Variants in SERPINB8 observed in about 807,000 individuals in gnomAD.
The protein encoded by SERPINB8 is serpin B8.
A neutral mutation model predicts 35.3 loss-of-function variants in SERPINB8; 25 were observed. The observed-to-expected ratio is 0.71, with a 90% confidence interval of 0.52 to 0.99. The LOEUF is 0.99. SERPINB8 is among the 50% of genes least tolerant of loss of function. SERPINB8 has a pLI of 0.00. For synonymous variants in SERPINB8, 186 were observed against 160.8 expected (o/e 1.16, Z -1.19); for missense variants, 484 against 446.5 (o/e 1.08, Z -0.76).
chr18:63,980,158 C>T (rs950935947), intron 3 of SERPINB8, among the ~76,000 whole-genome samples: 1 of 152,126 alleles, frequency 6.6e-6, no homozygotes, highest in Non-Finnish European at 1.5e-5. Flanking sequence ...AATTCTCCTG[C>T]ACGCAGCCCT....
intron 7 of SERPINB8, among the ~76,000 whole-genome samples, chr18:64,018,089 T>C (rs1017185119): frequency 6.6e-6 from 1 of 152,210 alleles, no homozygotes; most frequent in African/African-American, 2.4e-5. Context: ...ATTGAATGAG[T>C]GAGCTTTCCT....
chr18:63,973,118 G>C (rs1364602465), intron 1 of SERPINB8, among the ~76,000 whole-genome samples: 1 of 152,204 alleles, frequency 6.6e-6, no homozygotes, highest in Non-Finnish European at 1.5e-5. Flanking sequence ...GAGTTTAAAA[G>C]TGTTCCTTTT....
downstream of SERPINB8, among the ~76,000 whole-genome samples, chr18:63,993,392 G>C (rs149840981): frequency 0.015 from 2,218 of 152,184 alleles, 51 homozygotes; most frequent in African/African-American, 0.05. Context: ...ACTTCTAATT[G>C]AATCTCACCA....
downstream of SERPINB8, among the ~76,000 whole-genome samples, chr18:64,007,837 A>G (rs557943758): frequency 1.7e-4 from 26 of 152,298 alleles, no homozygotes; most frequent in South Asian, 5.4e-3. Context: ...AACACTGGGG[A>G]TTACAAGTTG....
At chr18:63,984,966 A>G (rs1244883775) in intron 5 of SERPINB8, 127 bp from the exon 6 acceptor site, 9 of 856,112 alleles carry the variant, frequency 1.1e-5, no homozygotes, top group African/African-American at 1.7e-5. Flanking sequence ...TGAAGATTTT[A>G]TATCTATCAG....
At chr18:63,975,277 C>T (rs1217959419) in intron 1 of SERPINB8, among the ~76,000 whole-genome samples, 4 of 152,124 alleles carry the variant, frequency 2.6e-5, no homozygotes, top group African/African-American at 7.2e-5. Flanking sequence ...TTTGGTGCCA[C>T]CTTCTGGTTG....
At chr18:63,994,572 C>G (rs73961862) in intron 1 of SERPINB8, among the ~76,000 whole-genome samples, 4 of 152,238 alleles carry the variant, frequency 2.6e-5, no homozygotes, top group African/African-American at 7.2e-5. Context: ...GTGTTGTTTA[C>G]AGAAGCTTTT....
At chr18:63,998,871 A>T (rs1372700309) in intron 1 of SERPINB8, among the ~76,000 whole-genome samples, 2 of 152,164 alleles carry the variant, frequency 1.3e-5, no homozygotes, top group Non-Finnish European at 2.9e-5. Context: ...CATTTTCCCT[A>T]AGGTGGCCCT....
intron 2 of SERPINB8, among the ~76,000 whole-genome samples, chr18:63,979,600 T>A (rs1288835840): frequency 2.0e-5 from 3 of 152,158 alleles, no homozygotes; most frequent in Admixed American, 1.3e-4. Context: ...CTACAATGCT[T>A]ATATGAGACA....
At chr18:63,975,616 G>A (rs1273457166) in intron 1 of SERPINB8, among the ~76,000 whole-genome samples, 1 of 151,444 alleles carries the variant, frequency 6.6e-6, no homozygotes, top group Non-Finnish European at 1.5e-5. Context: ...GTTTTTTTCT[G>A]AACTGCACTA....
At chr18:63,994,251 G>A (rs765023904), downstream of SERPINB8, among the ~76,000 whole-genome samples, 13 of 151,996 alleles carry the variant, frequency 8.6e-5, no homozygotes, top group Non-Finnish European at 1.6e-4. Context: ...GCAAATAAAA[G>A]CTTGACTGTT....
At chr18:63,986,629 T>C in intron 6 of SERPINB8, 1 of 1,320,252 alleles carries the variant, frequency 7.6e-7, no homozygotes, top group Non-Finnish European at 9.6e-7. Context: ...CAAATTGTTT[T>C]TATTAAAAAT....
At chr18:64,017,756 G>A (rs1453831429) in intron 7 of SERPINB8, among the ~76,000 whole-genome samples, 1 of 152,202 alleles carries the variant, frequency 6.6e-6, no homozygotes, top group East Asian at 1.9e-4. Context: ...CCTCTGCAGA[G>A]TGCTGAATCA....
Position 63,981,153 on chromosome 18 carries a change from A to G in SERPINB8, c.307-568A>G, listed in dbSNP as rs548156725. On this transcript the variant is annotated intron_variant, in intron 3 of 6. Coordinates refer to ENST00000397985, the MANE Select transcript of SERPINB8 (RefSeq NM_002640.4). ...CATGCACACGTATGAACCCAGTTGC[A>G]CACACACCCTATGATCCAGGCCTAT... 2.6e-5 allele frequency among the ~76,000 whole-genome samples: 4 copies of G among 152,276 alleles called. No individual in the cohort carries two copies. In the South Asian group the frequency reaches 6.2e-4, roughly 24 times the overall value.
At chr18:64,001,904 G>A (rs958231608) in intron 1 of SERPINB8, among the ~76,000 whole-genome samples, 1 of 152,194 alleles carries the variant, frequency 6.6e-6, no homozygotes, top group South Asian at 2.1e-4. Flanking sequence ...ACAGGTCTGG[G>A]AAACGCTTTC....
At chr18:63,971,386 C>G (rs1197509605) in intron 1 of SERPINB8, among the ~76,000 whole-genome samples, 1 of 152,222 alleles carries the variant, frequency 6.6e-6, no homozygotes, top group African/African-American at 2.4e-5. Flanking sequence ...TACAAACATC[C>G]TTGGCTGTCT....
At chr18:63,991,568 A>G (rs2050825168), downstream of SERPINB8, among the ~76,000 whole-genome samples, 1 of 152,116 alleles carries the variant, frequency 6.6e-6, no homozygotes, top group African/African-American at 2.4e-5. Flanking sequence ...TCAGCCTTAT[A>G]TCTTGCAAAC....
chr18:64,009,119 T>C (rs957841146), downstream of SERPINB8, among the ~76,000 whole-genome samples: 1 of 152,194 alleles, frequency 6.6e-6, no homozygotes, highest in Non-Finnish European at 1.5e-5. Context: ...TTAAGATTCT[T>C]AGGAATGATA....
chr18:64,016,741 G>A (rs557427009), intron 7 of SERPINB8, among the ~76,000 whole-genome samples: 142 of 152,220 alleles, frequency 9.3e-4, no homozygotes, highest in African/African-American at 3.3e-3. Context: ...TCTTGTTGGT[G>A]GAAGTCCTGA....
Sources: allele counts gnomAD v4.1 joint callset (sites outside exome capture counted in the v4.1 genomes callset), GRCh38; gene constraint gnomAD v4.1.1; transcripts MANE v1.5; gene names NCBI Gene and HGNC (gene_info 2026-07-23, HGNC 2026-07-21).